TPRG1: variants seen among roughly 807,000 people sequenced by gnomAD.
TPRG1 encodes tumor protein p63-regulated gene 1 protein.
In TPRG1, 29 loss-of-function variants were observed where a neutral mutation model predicts 29.3. The ratio of observed to expected loss-of-function variants is 0.99; its 90% confidence interval spans 0.74 to 1.35. TPRG1 has a LOEUF of 1.35. TPRG1 is among the 40% of genes most tolerant of loss of function. The pLI is 0.00. For synonymous variants in TPRG1, 130 were observed against 116.8 expected (o/e 1.11, Z -0.73); for missense variants, 327 against 335.0 (o/e 0.98, Z 0.19).
At position 189,323,352 on chromosome 3, in the gene TPRG1, C is replaced by T. The variant is rs372374867; in HGVS notation, c.*2532C>T. 4.6e-5 allele frequency: 7 copies of T among 152,012 alleles called. No individual in the cohort carries two copies. The highest frequency in any genetic ancestry group is 1.4e-4 in the African/African-American group (6 of 41,384). The allele number at this position is 152,012 out of a possible 1,614,324, so 9.4% of individuals were successfully genotyped here. A position where few individuals can be genotyped will look rare whatever the true frequency, so the allele number is the denominator to read the frequency against. Reference sequence around the variant, plus strand: ...GGGAGACCCTGAAAAATTTCCTTACCTTTCCTAAGGTTTAATTTCCTCTTC... The same window carrying T: ...GGGAGACCCTGAAAAATTTCCTTACTTTTCCTAAGGTTTAATTTCCTCTTC... On this transcript the variant is annotated 3_prime_UTR_variant, in exon 6 of 6. Coordinates refer to ENST00000345063, the MANE Select transcript of TPRG1 (RefSeq NM_198485.4).
intron 1 of TPRG1, among the ~76,000 whole-genome samples, chr3:189,105,130 T>C (rs1458502435): frequency 6.6e-6 from 1 of 152,292 alleles, no homozygotes; most frequent in Admixed American, 6.5e-5. Flanking sequence ...CTGATGTTGG[T>C]GTTATTAAGG....
intron 5 of TPRG1, among the ~76,000 whole-genome samples, chr3:189,164,335 G>C (rs539720782): frequency 6.6e-6 from 1 of 152,084 alleles, no homozygotes; most frequent in African/African-American, 2.4e-5. Context: ...GCTAATTTTT[G>C]TATTTTTGTA....
upstream of TPRG1, among the ~76,000 whole-genome samples, chr3:189,170,345 G>T (rs564712569): frequency 7.4e-4 from 113 of 152,238 alleles, 2 homozygotes; most frequent in Middle Eastern, 0.02. Context: ...GTTTGATCAG[G>T]TAACTGTGGC....
chr3:189,282,056 A>G (rs1019955550), intron 4 of TPRG1, among the ~76,000 whole-genome samples: 6 of 151,536 alleles, frequency 4.0e-5, no homozygotes, highest in Non-Finnish European at 7.4e-5. Flanking sequence ...AATTTTTTGT[A>G]TTTTAGTAGA....
chr3:189,135,417 T>G (rs1017951833), intron 3 of TPRG1, among the ~76,000 whole-genome samples: 2 of 152,240 alleles, frequency 1.3e-5, no homozygotes, highest in African/African-American at 4.8e-5. Context: ...TTACCTTTTC[T>G]AAATACTTTT....
chr3:189,196,580 A>T (rs1732567503), intron 1 of TPRG1, among the ~76,000 whole-genome samples: 2 of 151,954 alleles, frequency 1.3e-5, no homozygotes, highest in African/African-American at 4.8e-5. Flanking sequence ...CGTGATACTT[A>T]CTCACTATCA....
chr3:189,158,927 TG>T (rs1230727170), intron 5 of TPRG1, among the ~76,000 whole-genome samples: 2 of 151,532 alleles, frequency 1.3e-5, no homozygotes, highest in Non-Finnish European at 2.9e-5. Flanking sequence ...GTTTTTTTTT[TG>T]TTTTTTTTTG....
intron 2 of TPRG1, among the ~76,000 whole-genome samples, chr3:189,212,756 T>C (rs1004472124): frequency 2.0e-5 from 3 of 152,184 alleles, no homozygotes. Context: ...CCCAAGTGTC[T>C]GAGTCTGCAG....
At chr3:189,044,653 A>G (rs1277497895) in intron 4 of TPRG1, among the ~76,000 whole-genome samples, 1 of 152,162 alleles carries the variant, frequency 6.6e-6, no homozygotes, top group Admixed American at 6.5e-5. Flanking sequence ...GGTTAAGAAG[A>G]GCATAAGCAA....
At chr3:189,014,896 AT>A (rs1372853730) in intron 3 of TPRG1, among the ~76,000 whole-genome samples, 1 of 152,164 alleles carries the variant, frequency 6.6e-6, no homozygotes, top group Non-Finnish European at 1.5e-5. Context: ...AGAAAATGGA[AT>A]ACTACAGAAA....
intron 4 of TPRG1, among the ~76,000 whole-genome samples, chr3:189,076,182 T>G (rs1449586009): frequency 1.3e-5 from 2 of 152,168 alleles, no homozygotes; most frequent in Admixed American, 6.5e-5. Flanking sequence ...GGCTTTTGTT[T>G]GTCCATTAAG....
In TPRG1 at chr3:189,207,459, G is replaced by A; in HGVS notation, c.75G>A (p.Glu25=). ...AAGAGGGAGATGACCAACCCTCTGA[G>A]ACTGACCACCTATCGATGGAGGAAG... ...LKQEGDDQPS[E]TDHLSMEEED... is the part of the protein sequence containing the mutation. The change falls in exon 2 of 6, where the codon GAG becomes GAA. Residue 25 remains glutamate, a synonymous_variant. Transcript: ENST00000345063. 6.2e-7 allele frequency: 1 copy of A among 1,614,050 alleles called. No homozygotes were observed.
At chr3:189,269,103 CT>C (rs1714640750) in intron 4 of TPRG1, among the ~76,000 whole-genome samples, 1 of 145,386 alleles carries the variant, frequency 6.9e-6, no homozygotes, top group African/African-American at 2.5e-5. Flanking sequence ...TTTTTTTTTT[CT>C]TTTTTTCTTT....
intron 4 of TPRG1, among the ~76,000 whole-genome samples, chr3:189,270,097 T>C (rs1359388933): frequency 6.6e-6 from 1 of 151,934 alleles, no homozygotes; most frequent in Non-Finnish European, 1.5e-5. Flanking sequence ...AAACTAGCTA[T>C]GTTGTTCAAA....
chr3:189,120,476 A>G (rs1378286573), intron 1 of TPRG1: 3 of 152,216 alleles, frequency 2.0e-5, no homozygotes, highest in Non-Finnish European at 2.9e-5. Flanking sequence ...AGAGTCTGGC[A>G]TACTGGAAAG....
At chr3:189,102,160 C>T (rs560904451) in intron 1 of TPRG1, among the ~76,000 whole-genome samples, 1 of 152,260 alleles carries the variant, frequency 6.6e-6, no homozygotes, top group South Asian at 2.1e-4. Context: ...CAGTTAACAC[C>T]CAATTCTGTA....
rs528207524 is a variant in TPRG1 at position 189,126,581 on chromosome 3, A to T, written c.-743-476A>T. On this transcript the variant is annotated intron_variant, in intron 1 of 6. Coordinates refer to the TPRG1 transcript ENST00000412373. ...ATATGGGAAATGGGTGCATGTGATT[A>T]AGAGTGTGGTTTTTTGGGGCAGCAA... Among the ~76,000 whole-genome samples, 50 of 152,304 alleles carry T rather than the reference A, an allele frequency of 3.3e-4. 1 individual carries two copies. The highest frequency in any genetic ancestry group is 1.2e-3 in the African/African-American group (48 of 41,588).
intron 3 of TPRG1, among the ~76,000 whole-genome samples, chr3:189,235,130 AC>A (rs1739251691): frequency 6.6e-6 from 1 of 152,002 alleles, no homozygotes; most frequent in South Asian, 2.1e-4. Context: ...AAACTTTTAG[AC>A]CAGGGTAAGG....
intron 2 of TPRG1, among the ~76,000 whole-genome samples, chr3:189,209,981 G>A (rs1241611553): frequency 1.7e-5 from 2 of 115,700 alleles, no homozygotes. Context: ...TCACACACAT[G>A]AGAACAATGA....
Sources: allele counts gnomAD v4.1 joint callset (sites outside exome capture counted in the v4.1 genomes callset), GRCh38; gene constraint gnomAD v4.1.1; transcripts MANE v1.5; gene names NCBI Gene and HGNC (gene_info 2026-07-23, HGNC 2026-07-21).